The following DLG3 variants were observed in gnomAD, a reference collection of about 807,000 sequenced individuals.
The protein encoded by DLG3 is discs large MAGUK scaffold protein 3.
DLG3 carries 1 observed loss-of-function variant against 64.1 expected under a neutral mutation model. That is an observed-to-expected ratio of 0.02 (90% CI 0.01 to 0.07). The LOEUF (loss-of-function observed/expected upper bound fraction) is 0.07. Ranked by LOEUF, DLG3 falls within the 10% of genes least tolerant of loss-of-function variation. The pLI is 1.00. For synonymous variants in DLG3, 245 were observed against 259.8 expected, an observed-to-expected ratio of 0.94 and a Z score of 0.55; for missense variants, 429 against 669.5, an observed-to-expected ratio of 0.64 and a Z score of 3.96.
intron 12 of DLG3, among the ~76,000 whole-genome samples, chrX:70,494,579 G>T (rs1440291162): frequency 1.8e-5 from 2 of 112,214 alleles, no homozygotes. Flanking sequence ...GCCATAGACG[G>T]GGTGGCTCTG....
chrX:70,464,569 A>G (rs2086856899), intron 9 of DLG3, among the ~76,000 whole-genome samples: 1 of 112,145 alleles, frequency 8.9e-6, no homozygotes, highest in African/African-American at 3.2e-5. Context: ...GCCAAGACTC[A>G]CAGTCTTGAG....
intron 9 of DLG3, among the ~76,000 whole-genome samples, chrX:70,461,803 G>T (rs1257045243): frequency 9.0e-6 from 1 of 110,940 alleles, no homozygotes; most frequent in Admixed American, 9.6e-5. Context: ...CAGGTGATCC[G>T]CCCGCCTCGG....
chrX:70,447,709 T>TG (rs1190708863), intron 1 of DLG3, among the ~76,000 whole-genome samples: 3 of 112,129 alleles, frequency 2.7e-5, no homozygotes, highest in Non-Finnish European at 5.6e-5. Flanking sequence ...CCAGGGTACC[T>TG]GGGGAGACAG....
intron 12 of DLG3, among the ~76,000 whole-genome samples, chrX:70,494,992 C>T (rs2087428276): frequency 8.9e-6 from 1 of 112,232 alleles, no homozygotes; most frequent in Admixed American, 9.4e-5. Context: ...ATTTCAGGGG[C>T]AAACAGAGAC....
In DLG3 at chrX:70,445,254, G is replaced by A. The variant is rs1482530043; in HGVS notation, c.53G>A (p.Arg18His). The A allele has an allele frequency of 1.7e-6, 2 of 1,163,512 alleles. No individual in the cohort carries two copies. The highest frequency in any genetic ancestry group is 1.8e-5 in the African/African-American group (1 of 56,310). Residue 18 changes from arginine to histidine, a missense_variant, in exon 1 of 19, where the codon CGC (arginine) becomes CAC (histidine). Arg to His is a conservative substitution (Grantham distance 29). Coordinates refer to ENST00000374360, the MANE Select transcript of DLG3 (RefSeq NM_021120.4). ...TGCCCTGAGTGCTATGAGGTGACCC[G>A]CCTGGCCGCCCTGCGGCGCCTCGAG... is the stretch of plus-strand genomic sequence containing the variant. ...CKCPECYEVT[R>H]LAALRRLEPP...
At chrX:70,455,157 C>T (rs990037133) in intron 9 of DLG3, 2 of 751,015 alleles carry the variant, frequency 2.7e-6, no homozygotes, top group African/African-American at 4.7e-5. Flanking sequence ...CTCCTCCCCT[C>T]CTCCCGCGCG....
rs1190269446 is a variant in DLG3 at position 70,495,487 on chromosome X, G to A, written c.1819+34G>A. The A allele has an allele frequency of 5.1e-6, 6 of 1,181,576 alleles. No homozygotes were observed. In the South Asian group the frequency reaches 8.9e-5, roughly 18 times the overall value. Reference sequence around the variant, plus strand: ...AACTTACACACCGTTCACTGTACTTGTGGCATGAATGGAGATAGTGGGGGT... The same window carrying A: ...AACTTACACACCGTTCACTGTACTTATGGCATGAATGGAGATAGTGGGGGT... On this transcript the variant is annotated intron_variant, in intron 13 of 18. Coordinates refer to ENST00000374360, the MANE Select transcript of DLG3 (RefSeq NM_021120.4).
rs756476470 is a variant in DLG3 at position 70,504,948 on chromosome X, C to G, written c.*2679C>G. The G allele has an allele frequency of 1.1e-4, 12 of 112,406 alleles. No homozygotes were observed. Among genetic ancestry groups the G allele is most frequent in the African/African-American group, 3.6e-4 (11 of 30,907 alleles). 9.3% of individuals were successfully genotyped at this position (112,406 alleles called of 1,213,427 possible). On this transcript the variant is annotated 3_prime_UTR_variant, in exon 19 of 19. Coordinates refer to ENST00000374360, the MANE Select transcript of DLG3 (RefSeq NM_021120.4). ...AGTCTTAGGAAGTGCTGTCATAATT[C>G]ATAAGGTCAAGAGCAACATCTGGAT...
At chrX:70,498,489 G>A in intron 13 of DLG3, 31 bp from the exon 14 acceptor site, 1 of 1,200,290 alleles carries the variant, frequency 8.3e-7, no homozygotes, top group Non-Finnish European at 1.1e-6. Context: ...CAGATCATAT[G>A]GTGCTAACCT....
chrX:70,489,441 T>C (rs1444349769), intron 10 of DLG3, among the ~76,000 whole-genome samples: 1 of 111,186 alleles, frequency 9.0e-6, no homozygotes, highest in Non-Finnish European at 1.9e-5. Context: ...TGGCTGGGAT[T>C]ACAGGCGCCC....
chrX:70,445,653 T>C, intron 1 of DLG3, 95 bp downstream of exon 1: 1 of 845,100 alleles, frequency 1.2e-6, no homozygotes, highest in Non-Finnish European at 1.7e-6. Flanking sequence ...TCGCTGGGGC[T>C]CCAAGCCTGT....
intron 9 of DLG3, among the ~76,000 whole-genome samples, chrX:70,475,798 G>C (rs1362607625): frequency 8.9e-6 from 1 of 112,126 alleles, no homozygotes; most frequent in African/African-American, 3.2e-5. Context: ...AAACTCAGCA[G>C]CTTTCTTTGC....
In DLG3 at chrX:70,492,242, C is replaced by T. The variant is rs183374764; in HGVS notation, c.1656C>T (p.His552=). ...GGCAGGCAAGGCTGGTGACCCCACACGGAGAAAGTGAGCAGATCGGTGTGA... is the reference window on the plus strand; with the variant it reads ...GGCAGGCAAGGCTGGTGACCCCACATGGAGAAAGTGAGCAGATCGGTGTGA... ...EWWQARLVTP[H]GESEQIGVIP... Residue 552 remains histidine (H), a synonymous_variant, in exon 11 of 19, where the codon CAC becomes CAT. Transcript: ENST00000374360. The T allele has an allele frequency of 3.0e-5, 36 of 1,209,616 alleles. No homozygotes were observed. Among genetic ancestry groups the T allele is most frequent in the South Asian group, 1.2e-4 (7 of 56,674 alleles).
chrX:70,465,780 AT>A (rs1171892728), intron 9 of DLG3, among the ~76,000 whole-genome samples: 2 of 111,736 alleles, frequency 1.8e-5, no homozygotes, highest in East Asian at 5.6e-4. Flanking sequence ...TGTCATGAAC[AT>A]TTTCCTCGAT....
intron 9 of DLG3, among the ~76,000 whole-genome samples, chrX:70,460,340 C>T (rs1361598734): frequency 9.3e-6 from 1 of 107,865 alleles, no homozygotes; most frequent in Non-Finnish European, 1.9e-5. Flanking sequence ...TCTTGATGAC[C>T]ATAAACAGGA....
chrX:70,499,401 C>T (rs1200417824), intron 15 of DLG3, 124 bp downstream of exon 15: 8 of 545,315 alleles, frequency 1.5e-5, no homozygotes, highest in Admixed American at 2.7e-5. Flanking sequence ...ACATTTGACA[C>T]GCTGGAAAAC....
At position 70,445,135 on chromosome X, in the gene DLG3, TGGCGGCGGTGGC is replaced by T; in HGVS notation, c.-59_-48del. The T allele has an allele frequency of 7.9e-6, 7 of 889,387 alleles. No individual in the cohort carries two copies. The highest frequency in any genetic ancestry group is 3.5e-5 in the Admixed American group (1 of 28,777). 73.3% of individuals were successfully genotyped at this position (889,387 alleles called of 1,213,427 possible). A position where few individuals can be genotyped will look rare whatever the true frequency, so the allele number is the denominator to read the frequency against. On this transcript the variant is annotated 5_prime_UTR_variant, in exon 1 of 19. Coordinates refer to ENST00000374360, the MANE Select transcript of DLG3 (RefSeq NM_021120.4). The stretch of plus-strand genomic sequence containing the variant: ...AGCCCGGCGGCGGCGGCGGCGGTGG[TGGCGGCGGTGGC>T]GGCGGCGTGGAATCCGGCGTGGGCT...
At chrX:70,451,139 G>A (rs2086613380) in intron 6 of DLG3, 1 of 229,173 alleles carries the variant, frequency 4.4e-6, no homozygotes, top group South Asian at 8.2e-5. Flanking sequence ...GTCTTGCTCT[G>A]TCGCCAGGCT....
At chrX:70,493,362 A>G (rs764702530) in intron 12 of DLG3, 5 of 1,186,934 alleles carry the variant, frequency 4.2e-6, no homozygotes, top group South Asian at 3.6e-5. Context: ...CTCCATCTTC[A>G]TGTTCTTTCA....
Sources: gnomAD v4.1 joint callset for allele counts (sites outside exome capture counted in the v4.1 genomes callset) on GRCh38, gnomAD v4.1.1 for gene constraint, MANE v1.5 for transcripts, NCBI Gene and HGNC (gene_info 2026-07-23, HGNC 2026-07-21) for gene names.